Variants in AUTS2 observed in about 807,000 individuals in gnomAD.
AUTS2 encodes activator of transcription and developmental regulator AUTS2, also known as autism susceptibility gene 2 protein.
A neutral mutation model predicts 112.4 loss-of-function variants in AUTS2; 17 were observed. That is an observed-to-expected ratio of 0.15 (90% CI 0.10 to 0.23). The LOEUF is 0.23. Among genes scored for constraint, AUTS2 ranks in the 10% least tolerant of loss-of-function variants. The pLI, the probability that AUTS2 is intolerant of heterozygous loss-of-function variation, is 1.00. For missense variants in AUTS2, 1,510 were observed against 1,701.6 expected, an observed-to-expected ratio of 0.89 and a Z score of 1.98; for synonymous variants, 751 against 702.7, an observed-to-expected ratio of 1.07 and a Z score of -1.09.
At chr7:70,722,421 A>G (rs1469858798) in intron 6 of AUTS2, among the ~76,000 whole-genome samples, 2 of 152,168 alleles carry the variant, frequency 1.3e-5, no homozygotes, top group Admixed American at 6.5e-5. Context: ...TCAGCATTTT[A>G]TATGCTATAA....
intron 4 of AUTS2, among the ~76,000 whole-genome samples, chr7:70,259,845 T>C (rs1787072969): frequency 6.6e-6 from 1 of 152,194 alleles, no homozygotes; most frequent in African/African-American, 2.4e-5. Flanking sequence ...GTGGGGTAGA[T>C]AGGAGCCAAA....
chr7:69,861,558 T>C (rs1562934164), intron 1 of AUTS2, among the ~76,000 whole-genome samples: 1 of 152,176 alleles, frequency 6.6e-6, no homozygotes, highest in Non-Finnish European at 1.5e-5. Context: ...GATAAAAGGC[T>C]TGCAGGTTGA....
intron 1 of AUTS2, among the ~76,000 whole-genome samples, chr7:69,645,102 A>C (rs1794967250): frequency 7.0e-6 from 1 of 143,102 alleles, no homozygotes; most frequent in Admixed American, 7.1e-5. Flanking sequence ...GGTAGAGATG[A>C]GGTCTTGCAG....
intron 2 of AUTS2, among the ~76,000 whole-genome samples, chr7:69,974,405 G>T (rs940041129): frequency 2.0e-5 from 3 of 150,120 alleles, no homozygotes; most frequent in Non-Finnish European, 4.4e-5. Context: ...TTGTTTTCCT[G>T]TTTTCAACTT....
At chr7:70,396,604 T>C (rs1218354358) in intron 4 of AUTS2, among the ~76,000 whole-genome samples, 1 of 152,188 alleles carries the variant, frequency 6.6e-6, no homozygotes, top group African/African-American at 2.4e-5. Flanking sequence ...CTCGAATTCC[T>C]GACTTCAAGT....
intron 2 of AUTS2, among the ~76,000 whole-genome samples, chr7:70,027,235 T>A (rs535194498): frequency 1.3e-5 from 2 of 152,340 alleles, no homozygotes; most frequent in East Asian, 3.9e-4. Flanking sequence ...TGTGAATTAC[T>A]TAGGGACTCT....
chr7:69,890,814 C>T (rs1794487451), intron 1 of AUTS2, among the ~76,000 whole-genome samples: 1 of 152,184 alleles, frequency 6.6e-6, no homozygotes, highest in Non-Finnish European at 1.5e-5. Context: ...AATTTCATGG[C>T]TACTTTATGG....
At chr7:70,047,024 G>A (rs184238540) in intron 2 of AUTS2, among the ~76,000 whole-genome samples, 193 of 152,302 alleles carry the variant, frequency 1.3e-3, no homozygotes, top group Non-Finnish European at 2.6e-3. Flanking sequence ...TTTAGACTCT[G>A]TACAGCACTG....
At chr7:70,287,640 G>T (rs1051138603) in intron 4 of AUTS2, among the ~76,000 whole-genome samples, 1 of 152,056 alleles carries the variant, frequency 6.6e-6, no homozygotes, top group Admixed American at 6.5e-5. Flanking sequence ...CCTACAAGAG[G>T]TAGGGAGAAG....
rs117308246 is a variant in AUTS2 at position 69,668,091 on chromosome 7, C to T, written c.309+68129C>T. 7.4e-3 allele frequency among the ~76,000 whole-genome samples: 1,112 copies of T among 151,050 alleles called. 4 individuals are homozygous for T. Among genetic ancestry groups the T allele is most frequent in the Non-Finnish European group, 0.012 (789 of 67,754 alleles). ...TTAAATGGTCAACAGATGTGCCCAT[C>T]CAGGTGACTCTCCTAATAGTTGACA... On this transcript the variant is annotated intron_variant, in intron 1 of 18. Transcript: ENST00000342771.
At chr7:69,851,932 G>A (rs2129529942) in intron 1 of AUTS2, among the ~76,000 whole-genome samples, 1 of 152,244 alleles carries the variant, frequency 6.6e-6, no homozygotes, top group Non-Finnish European at 1.5e-5. Context: ...TCTATAAACA[G>A]GGACAGTTTT....
chr7:70,179,146 C>G (rs1584840137), intron 4 of AUTS2, among the ~76,000 whole-genome samples: 1 of 152,278 alleles, frequency 6.6e-6, no homozygotes, highest in South Asian at 2.1e-4. Flanking sequence ...AGGATTGGAA[C>G]TAAACCTTGG....
intron 5 of AUTS2, among the ~76,000 whole-genome samples, chr7:70,608,218 C>T (rs1328835422): frequency 6.6e-6 from 1 of 152,152 alleles, no homozygotes; most frequent in African/African-American, 2.4e-5. Context: ...ATCCTCCTCC[C>T]TCAGCCTCCC....
chr7:69,956,458 G>C (rs73429468), intron 2 of AUTS2, among the ~76,000 whole-genome samples: 1 of 151,942 alleles, frequency 6.6e-6, no homozygotes, highest in Non-Finnish European at 1.5e-5. Flanking sequence ...TCACTAAATT[G>C]GTTTTACAAT....
intron 2 of AUTS2, among the ~76,000 whole-genome samples, chr7:69,982,807 G>A (rs113378894): frequency 1.3e-5 from 2 of 152,318 alleles, no homozygotes; most frequent in African/African-American, 4.8e-5. Flanking sequence ...TTTGGGCACT[G>A]TACTCAGAAT....
intron 5 of AUTS2, among the ~76,000 whole-genome samples, chr7:70,484,557 A>G (rs1449076873): frequency 6.6e-6 from 1 of 152,184 alleles, no homozygotes; most frequent in Non-Finnish European, 1.5e-5. Context: ...TCAGTATCCT[A>G]GGGATAATTA....
intron 5 of AUTS2, among the ~76,000 whole-genome samples, chr7:70,543,764 A>C (rs182532513): frequency 6.6e-6 from 1 of 152,276 alleles, no homozygotes; most frequent in African/African-American, 2.4e-5. Flanking sequence ...ATGTGAATTA[A>C]AAATAGGCAA....
chr7:69,804,851 A>G (rs1790231882), intron 1 of AUTS2, among the ~76,000 whole-genome samples: 1 of 152,222 alleles, frequency 6.6e-6, no homozygotes. Context: ...GCAGATTTCC[A>G]AGGCTCTACC....
At chr7:70,723,390 G>C (rs1185349508) in intron 6 of AUTS2, among the ~76,000 whole-genome samples, 2 of 151,950 alleles carry the variant, frequency 1.3e-5, no homozygotes, top group Non-Finnish European at 1.5e-5. Context: ...GAGGTTTTTC[G>C]GACCTCATCA....
Sources: allele counts gnomAD v4.1 joint callset (sites outside exome capture counted in the v4.1 genomes callset), GRCh38; gene constraint gnomAD v4.1.1; transcripts MANE v1.5; gene names NCBI Gene and HGNC (gene_info 2026-07-23, HGNC 2026-07-21).